The following CLVS1 variants were observed in gnomAD, a reference collection of about 807,000 sequenced individuals.
CLVS1 encodes clavesin 1, also known as clavesin-1.
A neutral mutation model predicts 33.1 loss-of-function variants in CLVS1; 10 were observed. The ratio of observed to expected loss-of-function variants is 0.30; its 90% CI spans 0.19 to 0.51. The LOEUF is 0.51. CLVS1 is among the 20% of genes least tolerant of loss of function. The pLI is 0.97. For synonymous variants in CLVS1, 163 were observed against 166.1 expected, an observed-to-expected ratio of 0.98 and a Z score of 0.14; for missense variants, 343 against 433.4, an observed-to-expected ratio of 0.79 and a Z score of 1.85.
At chr8:61,320,959 A>G (rs1194909611) in intron 2 of CLVS1, among the ~76,000 whole-genome samples, 1 of 152,172 alleles carries the variant, frequency 6.6e-6, no homozygotes, top group African/African-American at 2.4e-5. Flanking sequence ...GTTTTCTATT[A>G]ACTTAAAAAT....
intron 1 of CLVS1, chr8:61,292,396 A>G (rs1330397453): frequency 1.1e-5 from 5 of 456,202 alleles, no homozygotes; most frequent in South Asian, 7.7e-5. Flanking sequence ...GGTTACATGG[A>G]TCTGCTGGGA....
chr8:61,179,931 T>A (rs139549103), intron 2 of CLVS1, among the ~76,000 whole-genome samples: 1 of 152,122 alleles, frequency 6.6e-6, no homozygotes, highest in East Asian at 1.9e-4. Flanking sequence ...TTAAAAGAAC[T>A]AGAGAGGCAA....
the CLVS1 span, among the ~76,000 whole-genome samples, chr8:61,023,435 G>T: frequency 3.9e-5 from 6 of 152,194 alleles, no homozygotes; most frequent in East Asian, 1.2e-3. Flanking sequence ...ATTTAGAAGC[G>T]ATAAAACCTA....
chr8:61,179,157 G>A (rs997913813), intron 2 of CLVS1, among the ~76,000 whole-genome samples: 1 of 151,924 alleles, frequency 6.6e-6, no homozygotes, highest in Non-Finnish European at 1.5e-5. Context: ...GGAAAATTTG[G>A]CAAGCAAATG....
upstream of CLVS1, among the ~76,000 whole-genome samples, chr8:61,283,392 T>C (rs1809714226): frequency 6.6e-6 from 1 of 152,210 alleles, no homozygotes; most frequent in African/African-American, 2.4e-5. Context: ...AGATCTTTGC[T>C]TTTAGTCTCT....
chr8:61,036,903 C>T, the CLVS1 span, among the ~76,000 whole-genome samples: 7 of 152,166 alleles, frequency 4.6e-5, no homozygotes, highest in African/African-American at 7.2e-5. Flanking sequence ...GCCATCCATT[C>T]GAGGAGTATT....
intron 2 of CLVS1, among the ~76,000 whole-genome samples, chr8:61,140,908 T>C (rs1027939811): frequency 6.6e-6 from 1 of 152,230 alleles, no homozygotes; most frequent in African/African-American, 2.4e-5. Flanking sequence ...TGTTTAAACA[T>C]GTCAGTGGTG....
At chr8:61,432,786 A>C (rs1407008979) in intron 3 of CLVS1, among the ~76,000 whole-genome samples, 5 of 152,224 alleles carry the variant, frequency 3.3e-5, no homozygotes, top group Non-Finnish European at 7.3e-5. Flanking sequence ...GGCAGATCTC[A>C]ATCAATTCAG....
At chr8:61,426,362 C>T (rs1370611471) in intron 3 of CLVS1, among the ~76,000 whole-genome samples, 2 of 152,200 alleles carry the variant, frequency 1.3e-5, no homozygotes, top group African/African-American at 4.8e-5. Flanking sequence ...TGCATATGGG[C>T]TTATAATATT....
intron 1 of CLVS1, among the ~76,000 whole-genome samples, chr8:61,298,467 A>G (rs542374177): frequency 2.2e-4 from 34 of 152,300 alleles, no homozygotes; most frequent in Non-Finnish European, 4.7e-4. Flanking sequence ...CCGTATCCAA[A>G]GACATATAAA....
intron 2 of CLVS1, among the ~76,000 whole-genome samples, chr8:61,327,822 C>G (rs906274373): frequency 6.6e-6 from 1 of 152,150 alleles, no homozygotes; most frequent in Non-Finnish European, 1.5e-5. Context: ...TTCTCCTTCT[C>G]TATGCAACAG....
intron 1 of CLVS1, among the ~76,000 whole-genome samples, chr8:61,068,228 T>C (rs1335809223): frequency 5.7e-5 from 3 of 52,644 alleles, no homozygotes; most frequent in Non-Finnish European, 9.1e-5. Flanking sequence ...TGTATGTATG[T>C]GTATATATAT....
At chr8:61,374,425 C>A (rs1306510390) in intron 2 of CLVS1, among the ~76,000 whole-genome samples, 1 of 152,280 alleles carries the variant, frequency 6.6e-6, no homozygotes, top group South Asian at 2.1e-4. Flanking sequence ...CTCCCTGATG[C>A]CCTAATGATC....
At chr8:61,284,198 G>A (rs1035825508), upstream of CLVS1, among the ~76,000 whole-genome samples, 1 of 152,164 alleles carries the variant, frequency 6.6e-6, no homozygotes, top group Non-Finnish European at 1.5e-5. Context: ...TAGAATAGTG[G>A]TTACCACAGG....
At chr8:61,088,614 G>T (rs1012307825) in intron 1 of CLVS1, among the ~76,000 whole-genome samples, 1 of 152,026 alleles carries the variant, frequency 6.6e-6, no homozygotes, top group Non-Finnish European at 1.5e-5. Flanking sequence ...TGTATGCAAG[G>T]GTTTGCTCAG....
intron 1 of CLVS1, among the ~76,000 whole-genome samples, chr8:61,115,751 C>T (rs1431535313): frequency 6.8e-6 from 1 of 148,062 alleles, no homozygotes; most frequent in East Asian, 2.0e-4. Context: ...ATATGTGCCA[C>T]ATTTTCTTAA....
intron 2 of CLVS1, among the ~76,000 whole-genome samples, chr8:61,307,942 T>C (rs1284004428): frequency 2.0e-5 from 3 of 152,218 alleles, no homozygotes; most frequent in Non-Finnish European, 4.4e-5. Flanking sequence ...CATGTAATAT[T>C]TGACTTTCTG....
At chr8:61,315,154 T>C (rs568809338) in intron 2 of CLVS1, among the ~76,000 whole-genome samples, 2 of 152,174 alleles carry the variant, frequency 1.3e-5, no homozygotes, top group African/African-American at 4.8e-5. Context: ...GTACTTTTCT[T>C]CTCTCTAATA....
At chr8:61,092,051 T>C (rs532495430) in intron 1 of CLVS1, among the ~76,000 whole-genome samples, 144 of 152,368 alleles carry the variant, frequency 9.5e-4, no homozygotes, top group African/African-American at 3.3e-3. Context: ...TGGGTGGCAT[T>C]TAACTCATTT....
Sources: gnomAD v4.1 joint callset for allele counts (sites outside exome capture counted in the v4.1 genomes callset) on GRCh38, gnomAD v4.1.1 for gene constraint, MANE v1.5 for transcripts, NCBI Gene and HGNC (gene_info 2026-07-23, HGNC 2026-07-21) for gene names.